DIP2C: variants seen among roughly 807,000 people sequenced by gnomAD.
DIP2C encodes disco-interacting protein 2 homolog C.
In DIP2C, 33 loss-of-function variants were observed where a neutral mutation model predicts 192.4. That is an observed-to-expected ratio of 0.17 (90% CI 0.13 to 0.23). The LOEUF (loss-of-function observed/expected upper bound fraction) is 0.23, where lower values mean the gene tolerates loss of function less well. DIP2C is among the 10% of genes least tolerant of loss of function. DIP2C has a pLI of 1.00. For synonymous variants in DIP2C, 979 were observed against 864.1 expected (o/e 1.13, Z -2.33); for missense variants, 1,537 against 2,110.1 (o/e 0.73, Z 5.32).
intron 1 of DIP2C, among the ~76,000 whole-genome samples, chr10:512,844 G>A (rs751759595): frequency 2.0e-4 from 30 of 150,058 alleles, no homozygotes; most frequent in Non-Finnish European, 4.3e-4. Context: ...AGCCTGGGAG[G>A]TGGAAGTTGC....
Position 431,877 on chromosome 10 carries a change from A to G in DIP2C, c.395-8844T>C, listed in dbSNP as rs370239340. ...CTCACAATTGGGTATGATGTTAACA[A>G]TAGGTTTTTTGTCCATATTCTTTAT... is the stretch of plus-strand genomic sequence containing the variant. On this transcript the variant is annotated intron_variant, in intron 4 of 36. Coordinates refer to ENST00000280886, the MANE Select transcript of DIP2C (RefSeq NM_014974.3). 9.2e-5 allele frequency among the ~76,000 whole-genome samples: 14 copies of G among 152,308 alleles called. No individual in the cohort carries two copies. In the East Asian group the frequency reaches 1.5e-3, roughly 17 times the overall value.
At chr10:502,651 C>T (rs543838212) in intron 1 of DIP2C, among the ~76,000 whole-genome samples, 7 of 152,254 alleles carry the variant, frequency 4.6e-5, no homozygotes, top group African/African-American at 1.7e-4. Flanking sequence ...AGCCAAGTCA[C>T]AGCACACAGT....
intron 1 of DIP2C, among the ~76,000 whole-genome samples, chr10:588,951 C>T (rs563015340): frequency 3.9e-5 from 6 of 152,330 alleles, no homozygotes; most frequent in East Asian, 3.9e-4. Context: ...CATGCTGAAC[C>T]GCAGCATCAC....
intron 4 of DIP2C, among the ~76,000 whole-genome samples, chr10:430,073 T>C (rs1966843003): frequency 6.6e-6 from 1 of 152,214 alleles, no homozygotes; most frequent in South Asian, 2.1e-4. Flanking sequence ...TTCTGGATTC[T>C]GGGCATTCTA....
intron 13 of DIP2C, among the ~76,000 whole-genome samples, chr10:389,753 G>A (rs971253566): frequency 3.9e-5 from 6 of 152,260 alleles, no homozygotes; most frequent in Admixed American, 3.9e-4. Flanking sequence ...CCAAGGACAC[G>A]CTGACCTCAG....
intron 3 of DIP2C, among the ~76,000 whole-genome samples, chr10:448,491 C>T (rs1056893673): frequency 1.7e-5 from 2 of 116,068 alleles, no homozygotes; most frequent in Non-Finnish European, 3.2e-5. Context: ...GGATCACACA[C>T]AGTGGGGCAG....
intron 1 of DIP2C, among the ~76,000 whole-genome samples, chr10:527,246 C>T (rs922288210): frequency 6.6e-6 from 1 of 152,206 alleles, no homozygotes; most frequent in East Asian, 1.9e-4. Context: ...TCCTCTCCCT[C>T]ACAAAACAGC....
chr10:556,543 A>G (rs1310688753), intron 1 of DIP2C, among the ~76,000 whole-genome samples: 1 of 150,886 alleles, frequency 6.6e-6, no homozygotes, highest in Non-Finnish European at 1.5e-5. Context: ...ACAGCCTTAG[A>G]CTGAACACAG....
At chr10:490,525 G>A (rs886578113) in intron 1 of DIP2C, among the ~76,000 whole-genome samples, 12 of 152,270 alleles carry the variant, frequency 7.9e-5, no homozygotes, top group East Asian at 1.9e-4. Context: ...GAGGCCCTCC[G>A]GGAGGCTGGG....
chr10:595,430 A>G (rs1564245461), intron 1 of DIP2C, among the ~76,000 whole-genome samples: 1 of 152,192 alleles, frequency 6.6e-6, no homozygotes, highest in East Asian at 1.9e-4. Context: ...CATGAAGAAA[A>G]AGTGAGTATC....
chr10:604,032 TGCCCTCAGCCCC>T (rs532165797), intron 1 of DIP2C, among the ~76,000 whole-genome samples: 618 of 13,430 alleles, frequency 0.046, 4 homozygotes, highest in African/African-American at 0.15. Flanking sequence ...CCCCCAGCCC[TGCCCTCAGCCCC>T]ACACCCCCTC....
chr10:388,841 G>A (rs1353146566), intron 13 of DIP2C, among the ~76,000 whole-genome samples: 8 of 152,260 alleles, frequency 5.3e-5, no homozygotes, highest in Non-Finnish European at 1.2e-4. Flanking sequence ...GGTGCACGCC[G>A]CAGCGGTGCC....
Position 581,453 on chromosome 10 carries a change from CTT to C in DIP2C, c.86-94925_86-94924del, listed in dbSNP as rs1491082618. ...GTCAAAGGTGCTAATCAAAAATGTA[CTT>C]AGAGGTTTTTTTTAAAGTTATATTT... On this transcript the variant is annotated intron_variant, in intron 1 of 36. Coordinates refer to ENST00000280886, the MANE Select transcript of DIP2C (RefSeq NM_014974.3). 6.0e-4 allele frequency among the ~76,000 whole-genome samples: 91 copies of C among 152,032 alleles called. No homozygotes were observed. In the East Asian group the frequency reaches 0.013, roughly 21 times the overall value.
intron 1 of DIP2C, among the ~76,000 whole-genome samples, chr10:633,375 G>C (rs1854641672): frequency 1.3e-5 from 2 of 152,168 alleles, no homozygotes; most frequent in Admixed American, 6.5e-5. Context: ...AGCAGACGGG[G>C]GGAGTCCGAG....
chr10:617,455 A>T (rs1178238412), intron 1 of DIP2C, among the ~76,000 whole-genome samples: 1 of 152,166 alleles, frequency 6.6e-6, no homozygotes, highest in Non-Finnish European at 1.5e-5. Flanking sequence ...GGCATCCAGC[A>T]CACGTGGGAC....
intron 1 of DIP2C, among the ~76,000 whole-genome samples, chr10:615,164 T>C: frequency 6.6e-6 from 1 of 152,222 alleles, no homozygotes; most frequent in Admixed American, 6.5e-5. Context: ...AGACACAGGC[T>C]TCACTGTGAA....
chr10:380,633 TTTC>T (rs200466435), intron 17 of DIP2C, among the ~76,000 whole-genome samples: 13 of 152,240 alleles, frequency 8.5e-5, no homozygotes, highest in East Asian at 5.8e-4. Context: ...AACACTTGTC[TTTC>T]TTCTTTAAAA....
intron 3 of DIP2C, among the ~76,000 whole-genome samples, chr10:467,957 A>T (rs926683674): frequency 6.6e-5 from 10 of 152,148 alleles, no homozygotes; most frequent in Non-Finnish European, 1.0e-4. Context: ...TATAATAAAA[A>T]ATATATATAA....
chr10:325,192 C>G (rs1438487901), intron 31 of DIP2C, among the ~76,000 whole-genome samples: 1 of 151,938 alleles, frequency 6.6e-6, no homozygotes, highest in Non-Finnish European at 1.5e-5. Context: ...GTGAACCCAG[C>G]AGGTGGAGCT....
Sources: allele counts gnomAD v4.1 joint callset (sites outside exome capture counted in the v4.1 genomes callset), GRCh38; gene constraint gnomAD v4.1.1; transcripts MANE v1.5; gene names NCBI Gene and HGNC (gene_info 2026-07-23, HGNC 2026-07-21).